The following PCF11 variants were observed in gnomAD, a reference collection of about 807,000 sequenced individuals.
PCF11 encodes PCF11 cleavage and polyadenylation factor subunit.
PCF11 carries 19 observed loss-of-function variants against 166.1 expected under a neutral mutation model. That is an observed-to-expected ratio of 0.11 (90% confidence interval 0.08 to 0.17). The LOEUF (loss-of-function observed/expected upper bound fraction) is 0.17, where lower values mean the gene tolerates loss of function less well. Among genes scored for constraint, PCF11 ranks in the 10% least tolerant of loss-of-function variants. The probability of loss-of-function intolerance (pLI) is 1.00; values close to 1 mark genes in which losing one functional copy is unlikely to be tolerated. For missense variants in PCF11, 1,565 were observed against 1,855.5 expected (o/e 0.84, Z 2.88); for synonymous variants, 663 against 644.1 (o/e 1.03, Z -0.44).
intron 14 of PCF11, 27 bp downstream of exon 14, chr11:83,182,518 T>C: frequency 9.0e-7 from 1 of 1,105,386 alleles, no homozygotes; most frequent in Non-Finnish European, 1.4e-6. Flanking sequence ...TATAAGGAAG[T>C]GTTAAGATTA....
exon 12 of PCF11, chr11:83,181,182 C>T (rs757943085): frequency 8.8e-6 from 14 of 1,591,322 alleles, no homozygotes; most frequent in Non-Finnish European, 1.2e-5. Context: ...GTTGGTACTA[C>T]AGTTTAACAG....
At chr11:83,166,281 G>A (rs1420135343) in exon 5 of PCF11, 1 of 1,613,146 alleles carries the variant, frequency 6.2e-7, no homozygotes, top group Admixed American at 1.7e-5. Flanking sequence ...TACAATAACA[G>A]AAGAGTCAGA....
At chr11:83,157,291 C>T in exon 1 of PCF11, 1 of 674,398 alleles carries the variant, frequency 1.5e-6, no homozygotes, top group Non-Finnish European at 2.5e-6. Context: ...CCCCCTGTGT[C>T]GTCCCCCATC....
intron 1 of PCF11, 86 bp from the exon 2 acceptor site, chr11:83,161,241 C>T: frequency 2.0e-6 from 2 of 1,022,404 alleles, no homozygotes; most frequent in South Asian, 1.5e-5. Flanking sequence ...AAATAGAGGT[C>T]TGTATTGTAG....
exon 5 of PCF11, chr11:83,166,658 C>T (rs762338828): frequency 4.4e-6 from 7 of 1,605,800 alleles, no homozygotes; most frequent in Non-Finnish European, 5.9e-6. Context: ...ATGTAGAAAA[C>T]TGGCAAAGTT....
Position 83,167,684 on chromosome 11 carries a change from C to G in PCF11, c.2092+179C>G, listed in dbSNP as rs1475295457. 2.0e-6 allele frequency: 3 copies of G among 1,518,194 alleles called. No individual in the cohort carries two copies. The highest frequency in any genetic ancestry group is 2.6e-6 in the Non-Finnish European group (3 of 1,136,180). The allele number at this position is 1,518,194 out of a possible 1,614,324, so 94.0% of individuals were successfully genotyped here. ...ATCTCTTAGATCCTGATATTTTTGA[C>G]TACCCTTTGACTGATGCCTTGTTGT... On this transcript the variant is annotated intron_variant, in intron 7 of 15. Transcript: ENST00000298281. This position sits in a 1 kb window ranked among gnomAD's most constrained non-coding sequence, Gnocchi z 4.2.
At chr11:83,181,720 T>C in intron 12 of PCF11, 134 bp from the exon 13 acceptor site, 1 of 491,838 alleles carries the variant, frequency 2.0e-6, no homozygotes, top group Non-Finnish European at 3.4e-6. Context: ...TGTTTCAAAG[T>C]ATAATTTTAA....
exon 3 of PCF11, chr11:83,163,819 T>C (rs1860348032): frequency 1.3e-6 from 2 of 1,584,806 alleles, no homozygotes; most frequent in Non-Finnish European, 1.7e-6. Context: ...TACCCCCCAA[T>C]GTGAATACGT....
At chr11:83,177,946 T>TA (rs1723039238) in intron 11 of PCF11, 127 bp downstream of exon 11, 4 of 349,546 alleles carry the variant, frequency 1.1e-5, no homozygotes, top group East Asian at 4.2e-5. Context: ...ATTTAGGAAG[T>TA]CTTTTTTTTT....
In PCF11 at chr11:83,165,557, C is replaced by A. The variant is rs565727515; in HGVS notation, c.703-43C>A. 6.1e-6 allele frequency: 9 copies of A among 1,485,954 alleles called. No homozygotes were observed. In the Admixed American group the frequency reaches 1.8e-4, roughly 29 times the overall value. The allele number at this position is 1,485,954 out of a possible 1,614,324, so 92.0% of individuals were successfully genotyped here. On this transcript the variant is annotated intron_variant, in intron 4 of 15. Transcript: ENST00000298281. ...TTGTTTGCAATTTCTTGACAATCTG[C>A]ATGTTCTGCAGTGTTAACATGAACA...
rs559354972 is a variant in PCF11 at position 83,159,460 on chromosome 11, T to A, written c.192+1829T>A. ...CAGGTTGTCACTCAAAGAACCTTGC[T>A]GGTTTTTAATGGATCCGGAAGACCT... On this transcript the variant is annotated intron_variant, in intron 1 of 15. Coordinates refer to ENST00000298281, the Ensembl canonical transcript of PCF11. Among the ~76,000 whole-genome samples the A allele has an allele frequency of 5.9e-5, 9 of 152,350 alleles. 1 individual carries two copies. The highest frequency in any genetic ancestry group is 2.2e-4 in the African/African-American group (9 of 41,582).
chr11:83,170,858 G>T (rs1005504332), intron 8 of PCF11, among the ~76,000 whole-genome samples: 19 of 152,254 alleles, frequency 1.2e-4, no homozygotes, highest in Non-Finnish European at 2.5e-4. Context: ...GAACATTATT[G>T]ATAGAAAGTA....
At chr11:83,165,808 A>G in exon 5 of PCF11, 2 of 1,611,006 alleles carry the variant, frequency 1.2e-6, no homozygotes, top group Non-Finnish European at 1.7e-6. Flanking sequence ...AGGATAAGCC[A>G]ACATTCTCAT....
intron 1 of PCF11, chr11:83,158,600 G>A (rs1860101742): frequency 6.6e-6 from 1 of 152,178 alleles, no homozygotes; most frequent in African/African-American, 2.4e-5. Context: ...GTTCAACTTA[G>A]TTACAATGAG....
chr11:83,181,037 A>G, exon 12 of PCF11: 2 of 1,591,962 alleles, frequency 1.3e-6, no homozygotes, highest in Non-Finnish European at 1.7e-6. Flanking sequence ...AATCGACTGT[A>G]CACTGGTATT....
In PCF11 at chr11:83,167,825, G is replaced by C; in HGVS notation, c.2092+320G>C. On this transcript the variant is annotated intron_variant, in intron 7 of 15. Transcript: ENST00000298281. This position sits in a 1 kb window ranked among gnomAD's most constrained non-coding sequence, Gnocchi z 4.2. ...CAAGACGTCTTTCTCCTATATCTGG[G>C]AGTCGTACTTATGCTGAGAATCTTT... 7.5e-7 allele frequency: 1 copy of C among 1,329,656 alleles called. No individual in the cohort carries two copies. Among genetic ancestry groups the C allele is most frequent in the Non-Finnish European group, 9.8e-7 (1 of 1,015,718 alleles). The allele number at this position is 1,329,656 out of a possible 1,614,324, so 82.4% of individuals were successfully genotyped here. A position where few individuals can be genotyped will look rare whatever the true frequency, so the allele number is the denominator to read the frequency against.
Position 83,177,216 on chromosome 11 carries a change from T to C in PCF11, c.3877+12T>C. On this transcript the variant is annotated intron_variant, in intron 10 of 15. Coordinates refer to ENST00000298281, the Ensembl canonical transcript of PCF11. ...TTCAGCTACAACACGTAAGTGTGAT[T>C]TTATACTTAAATTTACACAAAGCTT... 2.0e-6 allele frequency: 3 copies of C among 1,520,798 alleles called. No homozygotes were observed. The highest frequency in any genetic ancestry group is 2.6e-6 in the Non-Finnish European group (3 of 1,134,376). 94.2% of individuals were successfully genotyped at this position (1,520,798 alleles called of 1,614,324 possible). A position where few individuals can be genotyped will look rare whatever the true frequency, so the allele number is the denominator to read the frequency against.
intron 9 of PCF11, among the ~76,000 whole-genome samples, chr11:83,173,472 C>CA (rs1054255297): frequency 0.013 from 1,761 of 138,774 alleles, 38 homozygotes; most frequent in African/African-American, 0.041. Flanking sequence ...AACCAAAAAC[C>CA]AAAAAAAAAA....
At chr11:83,157,758 T>G in intron 1 of PCF11, 127 bp downstream of exon 1, 2 of 833,466 alleles carry the variant, frequency 2.4e-6, no homozygotes, top group Non-Finnish European at 1.9e-6. Context: ...CCCACCCCCC[T>G]CCAACTCAGG....
Sources: gnomAD v4.1 joint callset for allele counts (sites outside exome capture counted in the v4.1 genomes callset) on GRCh38, gnomAD v4.1.1 for gene constraint, Gnocchi (gnomAD v3.1) non-coding constraint, MANE v1.5 for transcripts, NCBI Gene and HGNC (gene_info 2026-07-23, HGNC 2026-07-21) for gene names.